Variants in PRKAR1B observed in about 807,000 individuals in gnomAD.
PRKAR1B encodes cAMP-dependent protein kinase type I-beta regulatory subunit.
A neutral mutation model predicts 46.5 loss-of-function variants in PRKAR1B; 22 were observed. The observed-to-expected ratio is 0.47, with a 90% confidence interval of 0.34 to 0.68. The LOEUF is 0.68. Among genes scored for constraint, PRKAR1B ranks in the 30% least tolerant of loss-of-function variants. PRKAR1B has a pLI of 0.01. For synonymous variants in PRKAR1B, 259 were observed against 217.7 expected (o/e 1.19, Z -1.67); for missense variants, 445 against 535.6 (o/e 0.83, Z 1.67).
chr7:678,495 C>A (rs1778467786), intron 3 of PRKAR1B, among the ~76,000 whole-genome samples: 1 of 152,206 alleles, frequency 6.6e-6, no homozygotes, highest in Non-Finnish European at 1.5e-5. Flanking sequence ...AAACTCTGCA[C>A]CCTTTGATCA....
intron 9 of PRKAR1B, among the ~76,000 whole-genome samples, chr7:554,202 G>A (rs1232560954): frequency 6.6e-6 from 1 of 152,272 alleles, no homozygotes; most frequent in Non-Finnish European, 1.5e-5. Flanking sequence ...CCATAGGTGA[G>A]AACTCTGCTT....
At chr7:690,491 A>T (rs1433106759) in intron 2 of PRKAR1B, among the ~76,000 whole-genome samples, 1 of 152,128 alleles carries the variant, frequency 6.6e-6, no homozygotes, top group Non-Finnish European at 1.5e-5. Context: ...ATAAGAAGCC[A>T]TTAACAACAA....
chr7:700,641 G>C (rs1780006362), intron 2 of PRKAR1B, among the ~76,000 whole-genome samples: 2 of 151,802 alleles, frequency 1.3e-5, no homozygotes, highest in South Asian at 4.2e-4. Context: ...ATTGGTGGGG[G>C]AATCAGCAAA....
intron 4 of PRKAR1B, among the ~76,000 whole-genome samples, chr7:658,639 T>C (rs1785335187): frequency 6.6e-6 from 1 of 152,108 alleles, no homozygotes; most frequent in South Asian, 2.1e-4. Flanking sequence ...TTTTCCACGA[T>C]AAAATGTTTT....
At chr7:645,712 G>A (rs1051405968) in intron 4 of PRKAR1B, among the ~76,000 whole-genome samples, 5 of 152,136 alleles carry the variant, frequency 3.3e-5, no homozygotes, top group Admixed American at 1.3e-4. Context: ...CCAGGCCTGT[G>A]TTCCAGTGCC....
chr7:598,962 C>T (rs1024773259), intron 6 of PRKAR1B, among the ~76,000 whole-genome samples: 12 of 152,238 alleles, frequency 7.9e-5, no homozygotes, highest in Non-Finnish European at 1.5e-4. Context: ...CAGCCCGGGA[C>T]GGCCGCACCT....
intron 4 of PRKAR1B, among the ~76,000 whole-genome samples, chr7:671,044 C>T (rs542872222): frequency 7.0e-4 from 107 of 152,324 alleles, no homozygotes; most frequent in Admixed American, 3.5e-3. Context: ...ACAGATTTCG[C>T]GTGAGTGGTT....
rs550909131 is a variant in PRKAR1B at position 606,835 on chromosome 7, T to C, written c.502+556A>G. 3.3e-5 allele frequency among the ~76,000 whole-genome samples: 5 copies of C among 152,176 alleles called. No homozygotes were observed. The South Asian group carries it at 1.0e-3, about 32-fold the overall frequency. ...CTTTAGTTTTATACATATGTATATA[T>C]TTTATATTTACTTAGTTTTATACAT... On this transcript the variant is annotated intron_variant, in intron 5 of 10. Coordinates refer to ENST00000537384, the MANE Select transcript of PRKAR1B (RefSeq NM_001164760.2).
chr7:654,681 C>T (rs1411778270), intron 4 of PRKAR1B, among the ~76,000 whole-genome samples: 1 of 123,920 alleles, frequency 8.1e-6, no homozygotes, highest in African/African-American at 3.2e-5. Context: ...TTCACCATCA[C>T]CATCCTCATC....
chr7:654,208 CATT>C (rs1415371486), intron 4 of PRKAR1B, among the ~76,000 whole-genome samples: 2 of 151,314 alleles, frequency 1.3e-5, no homozygotes, highest in Non-Finnish European at 2.9e-5. Context: ...CTATCACCAT[CATT>C]ATCACCATCT....
chr7:694,183 GC>G (rs1779598870), intron 2 of PRKAR1B, among the ~76,000 whole-genome samples: 1 of 152,168 alleles, frequency 6.6e-6, no homozygotes, highest in Non-Finnish European at 1.5e-5. Context: ...TACTCGGGGG[GC>G]TGAGGCAGGA....
At chr7:621,989 A>C (rs1469947496) in intron 4 of PRKAR1B, among the ~76,000 whole-genome samples, 1 of 152,246 alleles carries the variant, frequency 6.6e-6, no homozygotes, top group East Asian at 1.9e-4. Context: ...GGAGTGATGC[A>C]AATGGAGCGG....
intron 9 of PRKAR1B, among the ~76,000 whole-genome samples, chr7:562,794 G>A (rs1249678441): frequency 6.6e-6 from 1 of 152,146 alleles, no homozygotes; most frequent in Non-Finnish European, 1.5e-5. Flanking sequence ...GCAAGGCCAT[G>A]GGGTCCATGC....
At chr7:695,153 C>T (rs907610165) in intron 2 of PRKAR1B, among the ~76,000 whole-genome samples, 33 of 152,268 alleles carry the variant, frequency 2.2e-4, no homozygotes, top group African/African-American at 6.3e-4. Context: ...CATGACCAGA[C>T]GACCGCTCAG....
intron 7 of PRKAR1B, among the ~76,000 whole-genome samples, chr7:585,682 C>T (rs548924358): frequency 1.3e-5 from 2 of 152,070 alleles, no homozygotes; most frequent in African/African-American, 2.4e-5. Flanking sequence ...TGACCCACAT[C>T]GACCTCGCAA....
At position 635,940 on chromosome 7, in the gene PRKAR1B, ACACATCCTCCACCGGCCGCGCCCT is replaced by A. The variant is rs1347654086; in HGVS notation, c.441-28512_441-28489del. 7.3e-3 allele frequency among the ~76,000 whole-genome samples: 1,039 copies of A among 142,802 alleles called. 123 individuals are homozygous for A. The highest frequency in any genetic ancestry group is 0.013 in the South Asian group (57 of 4,488). The allele number at this position is 142,802 out of a possible 152,430, so 93.7% of individuals were successfully genotyped here. A position where few individuals can be genotyped will look rare whatever the true frequency, so the allele number is the denominator to read the frequency against. On this transcript the variant is annotated intron_variant, in intron 4 of 10. Coordinates refer to ENST00000537384, the MANE Select transcript of PRKAR1B (RefSeq NM_001164760.2). ...TTGTAAAAGTACCAGCACCGCGCCC[ACACATCCTCCACCGGCCGCGCCCT>A]CACGTCCTCCACCGGCCGCGCCCTC...
At position 579,242 on chromosome 7, in the gene PRKAR1B, G is replaced by A. The variant is rs375013269; in HGVS notation, c.891+14C>T. 6.2e-7 allele frequency: 1 copy of A among 1,613,898 alleles called. No homozygotes were observed. Among genetic ancestry groups the A allele is most frequent in the African/African-American group, 1.3e-5 (1 of 74,940 alleles). On this transcript the variant is annotated intron_variant, in intron 9 of 10. Transcript: ENST00000537384. ...GTGCACACCCAGAGCGCCCACGTGGGAAGCACGTCTCACCTCCGTGATGAT... is the reference window on the plus strand; with the variant it reads ...GTGCACACCCAGAGCGCCCACGTGGAAAGCACGTCTCACCTCCGTGATGAT...
chr7:699,418 G>A (rs1348893687), intron 2 of PRKAR1B, among the ~76,000 whole-genome samples: 3 of 152,316 alleles, frequency 2.0e-5, no homozygotes, highest in African/African-American at 4.8e-5. Context: ...CGCAGGAACA[G>A]CCGGGGTAGG....
At chr7:675,448 G>A (rs1786528431) in intron 4 of PRKAR1B, among the ~76,000 whole-genome samples, 2 of 152,178 alleles carry the variant, frequency 1.3e-5, no homozygotes, top group African/African-American at 2.4e-5. Flanking sequence ...ACATATGGAG[G>A]TCATTTAGAT....
Sources: gnomAD v4.1 joint callset for allele counts (sites outside exome capture counted in the v4.1 genomes callset) on GRCh38, gnomAD v4.1.1 for gene constraint, MANE v1.5 for transcripts, NCBI Gene and HGNC (gene_info 2026-07-23, HGNC 2026-07-21) for gene names.